Variants in RASA1 observed in about 807,000 individuals in gnomAD.
The protein encoded by RASA1 is ras GTPase-activating protein 1.
In RASA1, 25 loss-of-function variants were observed where a neutral mutation model predicts 132.2. The ratio of observed to expected loss-of-function variants is 0.19; its 90% CI spans 0.14 to 0.26. The LOEUF (loss-of-function observed/expected upper bound fraction) is 0.26. Among genes scored for constraint, RASA1 ranks in the 10% least tolerant of loss-of-function variants. The pLI is 1.00. For synonymous variants in RASA1, 477 were observed against 449.9 expected, an observed-to-expected ratio of 1.06 and a Z score of -0.76; for missense variants, 964 against 1,299.2, an observed-to-expected ratio of 0.74 and a Z score of 3.97.
In RASA1 at chr5:87,349,091, A is replaced by G. The variant is rs1759071726; in HGVS notation, c.1103-123A>G. 3 of 1,221,814 alleles carry G rather than the reference A, an allele frequency of 2.5e-6. No individual in the cohort carries two copies. The Admixed American group carries it at 7.0e-5, about 29-fold the overall frequency. The allele number at this position is 1,221,814 out of a possible 1,614,324, so 75.7% of individuals were successfully genotyped here. On this transcript the variant is annotated intron_variant, in intron 7 of 24. Coordinates refer to ENST00000274376, the MANE Select transcript of RASA1 (RefSeq NM_002890.3). The stretch of plus-strand genomic sequence containing the variant: ...TGAAAGAAATTATCTTAAAAAAAAA[A>G]CAAGTTCCTGGTGAAAATTTACATA...
intron 1 of RASA1, among the ~76,000 whole-genome samples, chr5:87,293,617 G>C (rs533017480): frequency 2.0e-5 from 3 of 152,256 alleles, no homozygotes; most frequent in South Asian, 2.1e-4. Context: ...GGAAGTAACT[G>C]CTATGTCTCT....
chr5:87,372,004 A>G (rs1760982322), intron 12 of RASA1, 114 bp from the exon 13 acceptor site: 9 of 731,512 alleles, frequency 1.2e-5, no homozygotes, highest in Admixed American at 1.1e-4. Context: ...GAGAATAGAA[A>G]TGGCAGTCTA....
intron 1 of RASA1, among the ~76,000 whole-genome samples, chr5:87,328,379 T>C (rs1388784471): frequency 6.6e-6 from 1 of 152,184 alleles, no homozygotes; most frequent in South Asian, 2.1e-4. Context: ...TAAAGAGATA[T>C]AATAAGGCTT....
At chr5:87,284,898 G>A (rs1754475528) in intron 1 of RASA1, among the ~76,000 whole-genome samples, 1 of 151,974 alleles carries the variant, frequency 6.6e-6, no homozygotes, top group South Asian at 2.1e-4. Flanking sequence ...TTTAACAAGT[G>A]AATAGGAAAT....
At chr5:87,385,445 A>G in intron 22 of RASA1, 56 bp downstream of exon 22, 1 of 1,319,926 alleles carries the variant, frequency 7.6e-7, no homozygotes, top group South Asian at 1.2e-5. Context: ...TTGACATGAT[A>G]AAACCATAAA....
At chr5:87,307,652 A>C (rs1755683003) in intron 1 of RASA1, among the ~76,000 whole-genome samples, 2 of 152,168 alleles carry the variant, frequency 1.3e-5, no homozygotes, top group African/African-American at 4.8e-5. Flanking sequence ...CTGTAATTTT[A>C]AAATTTATTC....
At chr5:87,375,386 G>A (rs1201858951) in intron 15 of RASA1, among the ~76,000 whole-genome samples, 2 of 151,758 alleles carry the variant, frequency 1.3e-5, no homozygotes, top group Non-Finnish European at 2.9e-5. Flanking sequence ...TCAGCCTCCT[G>A]AGTATCTGGG....
At chr5:87,330,972 T>C in intron 1 of RASA1, 4 of 1,442,648 alleles carry the variant, frequency 2.8e-6, no homozygotes, top group South Asian at 1.4e-5. Context: ...GGTTCCTCAG[T>C]ATAAGATCGA....
chr5:87,363,518 T>C lies in RASA1; in HGVS notation c.1610+14T>C. 6.2e-7 allele frequency: 1 copy of C among 1,606,778 alleles called. No individual in the cohort carries two copies. Among genetic ancestry groups the C allele is most frequent in the Non-Finnish European group, 8.5e-7 (1 of 1,173,836 alleles). On this transcript the variant is annotated intron_variant, in intron 11 of 24. Coordinates refer to ENST00000274376, the MANE Select transcript of RASA1 (RefSeq NM_002890.3). ...TCTCTTTGGCAGGTAAGAGACTGGT[T>C]TCCTATTTTTCTTTCGGAATTGTCT... is the stretch of plus-strand genomic sequence containing the variant.
chr5:87,363,694 C>T (rs1164168008), intron 11 of RASA1, among the ~76,000 whole-genome samples, 190 bp downstream of exon 11: 1 of 151,992 alleles, frequency 6.6e-6, no homozygotes, highest in Non-Finnish European at 1.5e-5. Flanking sequence ...TTGTGTTGCA[C>T]AGAAATCTTT....
At chr5:87,288,546 G>C (rs953088319) in intron 1 of RASA1, among the ~76,000 whole-genome samples, 7 of 152,064 alleles carry the variant, frequency 4.6e-5, no homozygotes, top group African/African-American at 1.7e-4. Flanking sequence ...CAAACGATGT[G>C]GTCATAATGG....
chr5:87,359,508 T>C (rs535827371), intron 9 of RASA1, among the ~76,000 whole-genome samples: 4 of 152,310 alleles, frequency 2.6e-5, no homozygotes, highest in African/African-American at 9.6e-5. Context: ...AAGATCTATA[T>C]AGATTCCAAG....
chr5:87,378,566 T>G (rs748849625), intron 18 of RASA1, 28 bp downstream of exon 18: 1 of 1,574,222 alleles, frequency 6.4e-7, no homozygotes, highest in Admixed American at 1.7e-5. Flanking sequence ...TAATAAGTAT[T>G]TTTGCAAAGA....
At chr5:87,322,538 T>A (rs1446996347) in intron 1 of RASA1, among the ~76,000 whole-genome samples, 2 of 152,016 alleles carry the variant, frequency 1.3e-5, no homozygotes, top group East Asian at 3.9e-4. Context: ...GCCTGGCTCC[T>A]CCCCCCTTCT....
chr5:87,274,763 G>C (rs969510109), intron 1 of RASA1, among the ~76,000 whole-genome samples: 4 of 152,142 alleles, frequency 2.6e-5, no homozygotes, highest in African/African-American at 9.7e-5. Flanking sequence ...AAAATAGCAG[G>C]TATGTTTTTC....
intron 20 of RASA1, 101 bp downstream of exon 20, chr5:87,380,696 C>A: frequency 1.8e-6 from 2 of 1,117,384 alleles, no homozygotes; most frequent in Non-Finnish European, 2.7e-6. Flanking sequence ...TTTTCTTTGG[C>A]TTTTATGTCA....
intron 1 of RASA1, among the ~76,000 whole-genome samples, chr5:87,311,964 C>T (rs1464630962): frequency 1.3e-5 from 2 of 152,136 alleles, no homozygotes; most frequent in Non-Finnish European, 2.9e-5. Context: ...ACAACCTAGC[C>T]CTACTGGGTT....
At chr5:87,343,565 T>C (rs1359928074) in intron 6 of RASA1, among the ~76,000 whole-genome samples, 1 of 152,174 alleles carries the variant, frequency 6.6e-6, no homozygotes, top group African/African-American at 2.4e-5. Flanking sequence ...AAAGATAGGC[T>C]ATAATGAATG....
chr5:87,277,414 G>A (rs1035439270), intron 1 of RASA1, among the ~76,000 whole-genome samples: 7 of 152,256 alleles, frequency 4.6e-5, no homozygotes, highest in Non-Finnish European at 1.0e-4. Flanking sequence ...GGTCATAAGG[G>A]TGGCTGGTGA....
Sources: allele counts gnomAD v4.1 joint callset (sites outside exome capture counted in the v4.1 genomes callset), GRCh38; gene constraint gnomAD v4.1.1; transcripts MANE v1.5; gene names NCBI Gene and HGNC (gene_info 2026-07-23, HGNC 2026-07-21).